The following SLC30A8 variants were observed in gnomAD, a reference collection of about 807,000 sequenced individuals.
SLC30A8 encodes the protein proton-coupled zinc antiporter SLC30A8.
Under a neutral mutation model 36.9 loss-of-function variants are expected in SLC30A8, and 27 were observed. The observed-to-expected ratio is 0.73, with a 90% confidence interval of 0.54 to 1.01. SLC30A8 has a LOEUF of 1.01. SLC30A8 is among the 50% of genes least tolerant of loss of function. SLC30A8 has a pLI of 0.00. For synonymous variants in SLC30A8, 164 were observed against 172.4 expected (o/e 0.95, Z 0.38); for missense variants, 439 against 452.0 (o/e 0.97, Z 0.26).
intron 2 of SLC30A8, among the ~76,000 whole-genome samples, chr8:117,044,026 G>A (rs1489204221): frequency 6.6e-6 from 1 of 152,132 alleles, no homozygotes; most frequent in Admixed American, 6.5e-5. Flanking sequence ...ATATAGTGTT[G>A]GAAGAACTGT....
intron 2 of SLC30A8, among the ~76,000 whole-genome samples, chr8:117,092,649 G>A (rs138350176): frequency 6.6e-6 from 1 of 152,332 alleles, no homozygotes; most frequent in African/African-American, 2.4e-5. Flanking sequence ...GAGAAAACTA[G>A]CTGAGACTAC....
At position 117,147,130 on chromosome 8, in the gene SLC30A8, T is replaced by C. The variant is rs746522664; in HGVS notation, c.248T>C (p.Ile83Thr). Reference protein sequence around the residue: ...KLCSASAICFIFMIAEVVGGH... With the variant: ...KLCSASAICFTFMIAEVVGGH... ...TGTTCTGCTTCAGCAATATGCTTCA[T>C]TTTCATGATTGCAGAGGTCGTGGGT... is the stretch of plus-strand genomic sequence containing the variant. Residue 83 changes from isoleucine (I) to threonine (T), a missense_variant, in exon 2 of 8, where the codon ATT becomes ACT. Physicochemically the swap from Ile to Thr is moderately conservative, Grantham distance 89. Coordinates refer to ENST00000456015, the MANE Select transcript of SLC30A8 (RefSeq NM_173851.3). The C allele has an allele frequency of 6.2e-7, 1 of 1,613,992 alleles. No homozygotes were observed. Among genetic ancestry groups the C allele is most frequent in the South Asian group, 1.1e-5 (1 of 91,070 alleles).
chr8:117,059,337 C>T (rs1198764882), intron 2 of SLC30A8, among the ~76,000 whole-genome samples: 1 of 152,296 alleles, frequency 6.6e-6, no homozygotes, highest in East Asian at 1.9e-4. Context: ...CTACAAATAA[C>T]AAGCCACATT....
At chr8:117,122,757 T>C (rs1315975455) in intron 2 of SLC30A8, among the ~76,000 whole-genome samples, 1 of 152,012 alleles carries the variant, frequency 6.6e-6, no homozygotes, top group Non-Finnish European at 1.5e-5. Context: ...GTCTCTTTTC[T>C]GGCAAGGATC....
intron 2 of SLC30A8, among the ~76,000 whole-genome samples, chr8:117,076,664 C>G (rs943708914): frequency 8.5e-5 from 13 of 152,124 alleles, no homozygotes; most frequent in African/African-American, 2.7e-4. Flanking sequence ...TTCAGTTACT[C>G]TTTCTTCTTT....
In SLC30A8 at chr8:117,031,436, CTTCTTCT is replaced by C. The variant is rs201585547; in HGVS notation, c.-265-7767_-265-7761del. 5.3e-3 allele frequency among the ~76,000 whole-genome samples: 794 copies of C among 151,054 alleles called. 6 individuals are homozygous for C. Among genetic ancestry groups the C allele is most frequent in the African/African-American group, 0.017 (706 of 41,062 alleles). The stretch of plus-strand genomic sequence containing the variant: ...CGTTCTAAAGTCTTGAATTCTTCTT[CTTCTTCT>C]TTCTTCTTTCTTCTTCTTCTTTTCT... On this transcript the variant is annotated intron_variant, in intron 1 of 10. Transcript: ENST00000427715.
chr8:117,004,194 CAT>C (rs2130691448), intron 1 of SLC30A8, among the ~76,000 whole-genome samples: 1 of 152,292 alleles, frequency 6.6e-6, no homozygotes, highest in African/African-American at 2.4e-5. Flanking sequence ...TTAATCTGCA[CAT>C]GTTCTCATTT....
intron 6 of SLC30A8, among the ~76,000 whole-genome samples, chr8:117,165,548 G>A (rs985190061): frequency 1.3e-5 from 2 of 152,160 alleles, no homozygotes; most frequent in Non-Finnish European, 2.9e-5. Flanking sequence ...CTTGAAATGG[G>A]AGAACTACTG....
At chr8:117,169,307 G>A (rs1328139675) in intron 6 of SLC30A8, among the ~76,000 whole-genome samples, 2 of 152,104 alleles carry the variant, frequency 1.3e-5, no homozygotes. Flanking sequence ...TTTTTGCCGA[G>A]TGTTCCATTA....
intron 1 of SLC30A8, among the ~76,000 whole-genome samples, chr8:117,016,794 T>A (rs957755840): frequency 6.6e-6 from 1 of 152,204 alleles, no homozygotes; most frequent in South Asian, 2.1e-4. Context: ...TAAGACAGCA[T>A]GAAAAATAGT....
intron 1 of SLC30A8, among the ~76,000 whole-genome samples, chr8:117,143,699 C>CATGA (rs1364053573): frequency 5.9e-5 from 9 of 151,862 alleles, no homozygotes; most frequent in Non-Finnish European, 8.8e-5. Context: ...CACACACACT[C>CATGA]ACACATGAAC....
intron 2 of SLC30A8, among the ~76,000 whole-genome samples, chr8:117,149,597 C>A (rs932481436): frequency 6.6e-6 from 1 of 152,054 alleles, no homozygotes; most frequent in African/African-American, 2.4e-5. Context: ...TGAATCAGTG[C>A]GTGAGGGTGG....
At chr8:117,054,209 C>G (rs1041721366) in intron 2 of SLC30A8, among the ~76,000 whole-genome samples, 5 of 150,834 alleles carry the variant, frequency 3.3e-5, no homozygotes, top group Non-Finnish European at 5.9e-5. Context: ...AGTGATCTTC[C>G]CACCTCAGCC....
In SLC30A8 at chr8:117,122,036, G is replaced by A. The variant is rs143090280; in HGVS notation, c.-225-13244G>A. Among the ~76,000 whole-genome samples the A allele has an allele frequency of 7.5e-4, 114 of 151,940 alleles. 1 individual carries two copies. The highest frequency in any genetic ancestry group is 2.4e-3 in the African/African-American group (100 of 41,486). On this transcript the variant is annotated intron_variant, in intron 2 of 10. Transcript: ENST00000427715. ...TTTGTCACTATCCTCTATGATATGC[G>A]GAATTTAACTGAAATGGAAATCAGG...
chr8:117,010,953 G>A (rs542733593), intron 1 of SLC30A8, among the ~76,000 whole-genome samples: 1 of 152,228 alleles, frequency 6.6e-6, no homozygotes, highest in South Asian at 2.1e-4. Context: ...CTTCCACCAG[G>A]CCCCACCTCC....
intron 2 of SLC30A8, among the ~76,000 whole-genome samples, chr8:117,097,123 C>T (rs898743524): frequency 2.8e-4 from 43 of 151,624 alleles, no homozygotes; most frequent in South Asian, 1.0e-3. Context: ...TTCTGGGCTG[C>T]GTGTAGTGGC....
Position 116,987,441 on chromosome 8 carries a change from A to AAAAT in SLC30A8, c.-266+36325_-266+36326insTAAA, listed in dbSNP as rs557622276. On this transcript the variant is annotated intron_variant, in intron 1 of 10. Coordinates refer to the SLC30A8 transcript ENST00000427715. ...ATGTACCCTAAAAGTATAATAAAAT[A>AAAAT]AAAAATGCACACGTAAAAATAAAAT... 5.5e-3 allele frequency among the ~76,000 whole-genome samples: 807 copies of AAAAT among 147,970 alleles called. 9 individuals are homozygous for AAAAT. Among genetic ancestry groups the AAAAT allele is most frequent in the African/African-American group, 0.019 (761 of 39,970 alleles).
chr8:117,070,877 C>T (rs192599841), intron 2 of SLC30A8, among the ~76,000 whole-genome samples: 1 of 152,078 alleles, frequency 6.6e-6, no homozygotes, highest in Non-Finnish European at 1.5e-5. Context: ...AGCATGATGC[C>T]TTCCTTTTTT....
At chr8:117,013,909 C>T (rs980653218) in intron 1 of SLC30A8, among the ~76,000 whole-genome samples, 27 of 152,084 alleles carry the variant, frequency 1.8e-4, no homozygotes, top group Non-Finnish European at 1.5e-5. Flanking sequence ...AATGATAGCA[C>T]ATTTAAGGAT....
Sources: allele counts gnomAD v4.1 joint callset (sites outside exome capture counted in the v4.1 genomes callset), GRCh38; gene constraint gnomAD v4.1.1; transcripts MANE v1.5; gene names NCBI Gene and HGNC (gene_info 2026-07-23, HGNC 2026-07-21).